KCNIP4: variants seen among roughly 807,000 people sequenced by gnomAD.
KCNIP4 encodes Kv channel-interacting protein 4.
KCNIP4 carries 12 observed loss-of-function variants against 34.0 expected under a neutral mutation model. The observed-to-expected ratio is 0.35, with a 90% CI of 0.23 to 0.57. The LOEUF (loss-of-function observed/expected upper bound fraction) is 0.57. Ranked by LOEUF, KCNIP4 falls within the 20% of genes least tolerant of loss-of-function variation. The probability of loss-of-function intolerance (pLI) is 0.83; values close to 1 mark genes in which losing one functional copy is unlikely to be tolerated. For missense variants in KCNIP4, 238 were observed against 311.7 expected (o/e 0.76, Z 1.78); for synonymous variants, 124 against 102.2 (o/e 1.21, Z -1.29).
At chr4:21,137,016 G>A (rs1751550223) in intron 1 of KCNIP4, among the ~76,000 whole-genome samples, 1 of 152,098 alleles carries the variant, frequency 6.6e-6, no homozygotes, top group African/African-American at 2.4e-5. Context: ...CAAACTCTGG[G>A]TTCCATTCCT....
chr4:21,446,497 C>A (rs973877227), intron 1 of KCNIP4, among the ~76,000 whole-genome samples: 4 of 151,584 alleles, frequency 2.6e-5, no homozygotes, highest in Non-Finnish European at 2.9e-5. Context: ...AAGCTGGAAA[C>A]CATCATTCTC....
At chr4:21,012,718 A>T (rs1739164300) in intron 1 of KCNIP4, among the ~76,000 whole-genome samples, 1 of 152,232 alleles carries the variant, frequency 6.6e-6, no homozygotes, top group Non-Finnish European at 1.5e-5. Flanking sequence ...ACAAAGAAGG[A>T]GTTTGTAGAT....
chr4:21,788,563 C>A (rs972166797), intron 1 of KCNIP4, among the ~76,000 whole-genome samples: 1 of 151,706 alleles, frequency 6.6e-6, no homozygotes, highest in African/African-American at 2.4e-5. Flanking sequence ...GGTCACCAGG[C>A]ATCTCAGATC....
chr4:21,545,412 T>A (rs577501873), intron 1 of KCNIP4, among the ~76,000 whole-genome samples: 6 of 152,290 alleles, frequency 3.9e-5, no homozygotes, highest in African/African-American at 1.4e-4. Flanking sequence ...ACACTTTAAG[T>A]TCTGGGTTAC....
intron 1 of KCNIP4, among the ~76,000 whole-genome samples, chr4:21,179,480 AGGTTAGCTAAATAAATTAGGGCAATATT>A (rs1475474017): frequency 1.3e-5 from 2 of 152,242 alleles, no homozygotes; most frequent in African/African-American, 4.8e-5. Flanking sequence ...TCAACAATAT[AGGTTAGCTAAATAAATTAGGGCAATATT>A]GGTTAGCTAA....
At chr4:21,573,335 T>C (rs1740495625) in intron 1 of KCNIP4, among the ~76,000 whole-genome samples, 1 of 152,170 alleles carries the variant, frequency 6.6e-6, no homozygotes, top group Admixed American at 6.5e-5. Context: ...TGAGTTTCTC[T>C]TTTATCAGTG....
intron 1 of KCNIP4, among the ~76,000 whole-genome samples, chr4:21,858,717 T>C (rs972440954): frequency 3.3e-5 from 5 of 152,268 alleles, no homozygotes; most frequent in Non-Finnish European, 7.3e-5. Flanking sequence ...GTGTGCTTTT[T>C]AGACAAAATT....
chr4:21,509,657 T>C (rs1316978471), intron 1 of KCNIP4, among the ~76,000 whole-genome samples: 1 of 152,184 alleles, frequency 6.6e-6, no homozygotes, highest in African/African-American at 2.4e-5. Context: ...GTTCCTGACT[T>C]AATGCCTACA....
At position 21,137,126 on chromosome 4, in the gene KCNIP4, A is replaced by G. The variant is rs73107431; in HGVS notation, c.62-254417T>C. ...ATTTGAACAAGAGGGATTAGGGTTGAACATGGTAAAAGATCAATTCTCATG... is the reference window on the plus strand; with the variant it reads ...ATTTGAACAAGAGGGATTAGGGTTGGACATGGTAAAAGATCAATTCTCATG... On this transcript the variant is annotated intron_variant, in intron 1 of 8. Coordinates refer to ENST00000382152, the MANE Select transcript of KCNIP4 (RefSeq NM_025221.6). Among the ~76,000 whole-genome samples, 452 of 152,300 alleles carry G rather than the reference A, an allele frequency of 3.0e-3. 4 individuals are homozygous for G. The highest frequency in any genetic ancestry group is 0.01 in the African/African-American group (423 of 41,562).
chr4:20,752,055 G>GTTTTTTTTTTTT (rs33912651), intron 4 of KCNIP4, among the ~76,000 whole-genome samples: 1 of 121,674 alleles, frequency 8.2e-6, no homozygotes, highest in South Asian at 2.9e-4. Flanking sequence ...ACTTCATAGA[G>GTTTTTTTTTTTT]TTTTTTTTTT....
chr4:21,726,015 T>C (rs187369045), intron 1 of KCNIP4, among the ~76,000 whole-genome samples: 1 of 152,274 alleles, frequency 6.6e-6, no homozygotes. Flanking sequence ...AGCAAACAAA[T>C]GTTATATAGG....
rs371423731 is a variant in KCNIP4, at chr4:20,916,326, T to TTCTAAAGAGTTATGG, written c.62-33618_62-33617insCCATAACTCTTTAGA. On this transcript the variant is annotated intron_variant, in intron 1 of 8. Coordinates refer to ENST00000382152, the MANE Select transcript of KCNIP4 (RefSeq NM_025221.6). ...GTGGCTTTTTAGAAGTGTTTACCTC[T>TTCTAAAGAGTTATGG]TTGCAGTTGTTATGGTGCACTTGCC... 2,755 of 985,324 alleles carry TTCTAAAGAGTTATGG rather than the reference T, an allele frequency of 2.8e-3. 66 individuals carry two copies. In the African/African-American group the frequency reaches 0.045, roughly 16 times the overall value. The allele number at this position is 985,324 out of a possible 1,614,324, so 61.0% of individuals were successfully genotyped here.
chr4:20,807,843 C>T (rs997964603), intron 3 of KCNIP4, among the ~76,000 whole-genome samples: 3 of 152,102 alleles, frequency 2.0e-5, no homozygotes, highest in African/African-American at 7.2e-5. Flanking sequence ...AGAAATCACT[C>T]CCAGGATTGT....
intron 1 of KCNIP4, among the ~76,000 whole-genome samples, chr4:21,664,363 A>C (rs1189045727): frequency 1.3e-5 from 2 of 152,212 alleles, no homozygotes; most frequent in Non-Finnish European, 2.9e-5. Flanking sequence ...CAAACAAAAA[A>C]CAGAGGCAAC....
intron 1 of KCNIP4, among the ~76,000 whole-genome samples, chr4:21,611,277 A>C (rs1744136166): frequency 6.6e-6 from 1 of 152,168 alleles, no homozygotes; most frequent in African/African-American, 2.4e-5. Context: ...TGCAATAAAC[A>C]TTATGTGTGC....
rs1735315977 is a variant in KCNIP4 at position 21,519,740 on chromosome 4, GATACACACGTGTGTGTATGTATGTGTGT to G, written c.61+428803_61+428830del. On this transcript the variant is annotated intron_variant, in intron 1 of 8. Transcript: ENST00000382152. ...TATATACACACGTGTGTATATGTAT[GATACACACGTGTGTGTATGTATGTGTGT>G]ATACACACGTGTGTGTATGTGTGTG... Among the ~76,000 whole-genome samples, 17 of 110,240 alleles carry G rather than the reference GATACACACGTGTGTGTATGTATGTGTGT, an allele frequency of 1.5e-4. No homozygotes were observed. The South Asian group carries it at 3.0e-3, about 19-fold the overall frequency. 72.3% of individuals were successfully genotyped at this position (110,240 alleles called of 152,430 possible).
rs995098178 is a variant in KCNIP4 at position 21,690,163 on chromosome 4, G to A, written c.61+258408C>T. 1.8e-4 allele frequency among the ~76,000 whole-genome samples: 27 copies of A among 146,376 alleles called. No individual in the cohort carries two copies. The East Asian group carries it at 2.4e-3, about 13-fold the overall frequency. ...TATATATATATACACACACACATAC[G>A]TAAATATACACATCAACGATGATCT... On this transcript the variant is annotated intron_variant, in intron 1 of 8. Transcript: ENST00000382152.
intron 1 of KCNIP4, among the ~76,000 whole-genome samples, chr4:21,145,230 G>C (rs146273064): frequency 6.6e-6 from 1 of 152,122 alleles, no homozygotes; most frequent in Non-Finnish European, 1.5e-5. Flanking sequence ...TCAGGCTTCC[G>C]TAGCTTTAGA....
intron 1 of KCNIP4, chr4:20,916,475 A>C: frequency 5.6e-6 from 2 of 354,498 alleles, no homozygotes; most frequent in Middle Eastern, 1.3e-3. Flanking sequence ...TAGTACCATT[A>C]TGAAGTAGAG....
Sources: allele counts gnomAD v4.1 joint callset (sites outside exome capture counted in the v4.1 genomes callset), GRCh38; gene constraint gnomAD v4.1.1; transcripts MANE v1.5; gene names NCBI Gene and HGNC (gene_info 2026-07-23, HGNC 2026-07-21).